PARP16: variants seen among roughly 807,000 people sequenced by gnomAD.
PARP16 encodes the protein poly(ADP-ribose) polymerase family member 16.
In PARP16, 31 loss-of-function variants were observed where a neutral mutation model predicts 35.0. The ratio of observed to expected loss-of-function variants is 0.88; its 90% CI spans 0.66 to 1.19. The LOEUF (loss-of-function observed/expected upper bound fraction) is 1.19, where lower values mean the gene tolerates loss of function less well. Ranked by LOEUF, PARP16 falls within the 50% of genes most tolerant of loss-of-function variation. The pLI is 0.00. For synonymous variants in PARP16, 162 were observed against 169.5 expected (o/e 0.96, Z 0.34); for missense variants, 424 against 411.2 (o/e 1.03, Z -0.27).
At chr15:65,252,549 C>A (rs1489273013) in intron 2 of PARP16, among the ~76,000 whole-genome samples, 1 of 152,196 alleles carries the variant, frequency 6.6e-6, no homozygotes, top group East Asian at 1.9e-4. Flanking sequence ...ACCAATGTCA[C>A]CAGCAATGGC....
intron 3 of PARP16, among the ~76,000 whole-genome samples, chr15:65,247,415 C>T (rs1036912048): frequency 2.0e-5 from 3 of 152,212 alleles, no homozygotes; most frequent in Admixed American, 6.5e-5. Flanking sequence ...TGAGTTCTGT[C>T]TGAACCCAGA....
At chr15:65,263,350 C>A in intron 3 of PARP16, 30 bp from the exon 4 acceptor site, 1 of 1,537,048 alleles carries the variant, frequency 6.5e-7, no homozygotes, top group Non-Finnish European at 8.8e-7. Context: ...GGAAAAGAAA[C>A]ACAGATGGTT....
At position 65,267,544 on chromosome 15, in the gene PARP16, T is replaced by C. The variant is rs549658112; in HGVS notation, c.313-776A>G. ...ATGGTGTGAACCCAGGAGGCAGAGC[T>C]TGCAGTGAGCCGAGATGGCGCCACT... On this transcript the variant is annotated intron_variant, in intron 2 of 5. Coordinates refer to ENST00000649807, the MANE Select transcript of PARP16 (RefSeq NM_001316943.2). 1.9e-4 allele frequency among the ~76,000 whole-genome samples: 28 copies of C among 151,008 alleles called. No individual in the cohort carries two copies. The South Asian group carries it at 5.9e-3, about 32-fold the overall frequency.
At position 65,245,682 on chromosome 15, in the gene PARP16, C is replaced by A. The variant is rs139306113; in HGVS notation, c.*97+2435G>T. Reference sequence around the variant, plus strand: ...ACTGACAAACTCCATGACCAGGAGGCCCCACTCATGGTGACATCATCCCCT... The same window carrying A: ...ACTGACAAACTCCATGACCAGGAGGACCCACTCATGGTGACATCATCCCCT... On this transcript the variant is annotated intron_variant and NMD_transcript_variant, in intron 3 of 3. Coordinates refer to the PARP16 transcript ENST00000559805. 2.2e-3 allele frequency among the ~76,000 whole-genome samples: 338 copies of A among 152,212 alleles called. 2 individuals are homozygous for A. The highest frequency in any genetic ancestry group is 7.3e-3 in the African/African-American group (302 of 41,530).
intron 2 of PARP16, among the ~76,000 whole-genome samples, chr15:65,267,678 C>CTTTT (rs556058787): frequency 0.059 from 3,104 of 53,036 alleles, 934 homozygotes; most frequent in Admixed American, 0.11. Flanking sequence ...ATTTTCCTAA[C>CTTTT]TTTTTTTTTT....
intron 1 of PARP16, among the ~76,000 whole-genome samples, chr15:65,274,504 G>A (rs1334509436): frequency 6.6e-6 from 1 of 151,832 alleles, no homozygotes; most frequent in Non-Finnish European, 1.5e-5. Context: ...AGCCTGGGAG[G>A]TAGAAGATGC....
At chr15:65,240,294 T>TAGTGTG (rs1278093940) in intron 3 of PARP16, among the ~76,000 whole-genome samples, 2 of 89,962 alleles carry the variant, frequency 2.2e-5, no homozygotes, top group Non-Finnish European at 5.0e-5. Flanking sequence ...CACGCCTGGC[T>TAGTGTG]AGTGTGTGTG....
intron 1 of PARP16, among the ~76,000 whole-genome samples, chr15:65,274,381 C>G (rs778178027): frequency 2.6e-5 from 4 of 151,506 alleles, no homozygotes; most frequent in Non-Finnish European, 5.9e-5. Flanking sequence ...GGCAACATGG[C>G]GAAACCGCAT....
At chr15:65,254,294 C>A (rs190012017), downstream of PARP16, among the ~76,000 whole-genome samples, 1 of 152,138 alleles carries the variant, frequency 6.6e-6, no homozygotes, top group Non-Finnish European at 1.5e-5. Flanking sequence ...TGGGTGGAGA[C>A]GGTGGTTTCT....
intron 2 of PARP16, among the ~76,000 whole-genome samples, chr15:65,269,290 G>A (rs1299889979): frequency 2.6e-5 from 4 of 151,122 alleles, no homozygotes; most frequent in Non-Finnish European, 2.9e-5. Flanking sequence ...TCCGCCTCCC[G>A]GCTTCAAGCG....
intron 2 of PARP16, among the ~76,000 whole-genome samples, chr15:65,269,204 CT>C (rs894925251): frequency 1.9e-5 from 2 of 103,482 alleles, no homozygotes; most frequent in Non-Finnish European, 2.3e-5. Flanking sequence ...TTCTTTCTTT[CT>C]TTTTTTTTTG....
intron 2 of PARP16, among the ~76,000 whole-genome samples, chr15:65,252,923 G>C (rs897184190): frequency 1.3e-5 from 2 of 152,196 alleles, no homozygotes; most frequent in Non-Finnish European, 2.9e-5. Flanking sequence ...GAGGTCAGGA[G>C]TTTGAGACCA....
At chr15:65,233,150 A>T (rs2088800400), downstream of PARP16, among the ~76,000 whole-genome samples, 1 of 152,258 alleles carries the variant, frequency 6.6e-6, no homozygotes, top group Non-Finnish European at 1.5e-5. Flanking sequence ...GCGGTGGCTC[A>T]CGCCTGTATT....
chr15:65,253,373 C>G (rs968840262), downstream of PARP16, among the ~76,000 whole-genome samples: 1 of 151,528 alleles, frequency 6.6e-6, no homozygotes, highest in African/African-American at 2.4e-5. Flanking sequence ...CTCTGTCGCC[C>G]AGGCTGGAGT....
intron 3 of PARP16, among the ~76,000 whole-genome samples, chr15:65,236,264 G>C (rs1242518074): frequency 6.6e-6 from 1 of 152,208 alleles, no homozygotes. Context: ...GGTGCTTACA[G>C]TCTAGTGGTA....
Position 65,282,005 on chromosome 15 carries a change from C to T in PARP16, c.174+4248G>A, listed in dbSNP as rs138946739. ...TTACTTCCTAGTGCTTTTAGCTGAA[C>T]AAATGAAAGTGAGAGACTTTTTTTG... On this transcript the variant is annotated intron_variant, in intron 1 of 5. Transcript: ENST00000649807. Among the ~76,000 whole-genome samples, 539 of 152,224 alleles carry T rather than the reference C, an allele frequency of 3.5e-3. 5 individuals are homozygous for T. The highest frequency in any genetic ancestry group is 0.012 in the African/African-American group (498 of 41,538).
intron 2 of PARP16, among the ~76,000 whole-genome samples, chr15:65,249,481 C>T (rs2089296130): frequency 6.6e-6 from 1 of 152,212 alleles, no homozygotes; most frequent in African/African-American, 2.4e-5. Context: ...ATGTCTCGTT[C>T]AACCTGGAGA....
intron 1 of PARP16, among the ~76,000 whole-genome samples, chr15:65,281,256 T>C (rs1024007718): frequency 1.3e-5 from 2 of 152,200 alleles, no homozygotes; most frequent in African/African-American, 4.8e-5. Context: ...TTACAGGTTC[T>C]CTCATCCAAC....
At chr15:65,244,248 T>C (rs1355912266) in intron 3 of PARP16, among the ~76,000 whole-genome samples, 1 of 152,158 alleles carries the variant, frequency 6.6e-6, no homozygotes, top group African/African-American at 2.4e-5. Context: ...CTTCATATAA[T>C]ATATAATATA....
Sources: gnomAD v4.1 joint callset for allele counts (sites outside exome capture counted in the v4.1 genomes callset) on GRCh38, gnomAD v4.1.1 for gene constraint, MANE v1.5 for transcripts, NCBI Gene and HGNC (gene_info 2026-07-23, HGNC 2026-07-21) for gene names.